The following CNST variants were observed in gnomAD, a reference collection of about 807,000 sequenced individuals.
CNST encodes the protein consortin.
In CNST, 39 loss-of-function variants were observed where a neutral mutation model predicts 72.4. The observed-to-expected ratio is 0.54, with a 90% CI of 0.42 to 0.70. The LOEUF (loss-of-function observed/expected upper bound fraction) is 0.70. CNST is among the 30% of genes least tolerant of loss of function. The probability of loss-of-function intolerance (pLI) is 0.00; values close to 1 mark genes in which losing one functional copy is unlikely to be tolerated. For synonymous variants in CNST, 332 were observed against 320.1 expected, an observed-to-expected ratio of 1.04 and a Z score of -0.40; for missense variants, 871 against 868.5, an observed-to-expected ratio of 1.00 and a Z score of -0.04.
At chr1:246,654,537 A>T (rs1572247916) in intron 9 of CNST, among the ~76,000 whole-genome samples, 1 of 152,184 alleles carries the variant, frequency 6.6e-6, no homozygotes, top group East Asian at 1.9e-4. Flanking sequence ...TCTAGCTGTA[A>T]TCTCTCTCTG....
intron 2 of CNST, among the ~76,000 whole-genome samples, chr1:246,603,803 G>A (rs1342732804): frequency 2.0e-5 from 3 of 152,164 alleles, no homozygotes; most frequent in Non-Finnish European, 2.9e-5. Context: ...ACAGCTAAAG[G>A]ATGTGGGATT....
At chr1:246,635,892 C>T (rs1490554780) in intron 6 of CNST, among the ~76,000 whole-genome samples, 9 of 152,126 alleles carry the variant, frequency 5.9e-5, no homozygotes, top group African/African-American at 9.7e-5. Flanking sequence ...GGTTATCATA[C>T]GCAGGGACTC....
Position 246,647,166 on chromosome 1 carries a change from C to T in CNST, c.965C>T (p.Ser322Leu). The T allele has an allele frequency of 6.2e-7, 1 of 1,613,438 alleles. No homozygotes were observed. Reference protein sequence around the residue: ...SESKTCLGTESSKESQHTVEP... With the variant: ...SESKTCLGTELSKESQHTVEP... ...AGTAAAACTTGTCTCGGCACAGAGT[C>T]AAGTAAAGAAAGCCAACATACAGTG... The change falls in exon 9 of 11, where the codon TCA (serine) becomes TTA (leucine). Residue 322 changes from serine (S) to leucine (L), a missense_variant. By Grantham distance (145) the Ser-to-Leu change is moderately radical. Transcript: ENST00000366513.
chr1:246,650,319 ATTAAG>A (rs1303560714), intron 9 of CNST, among the ~76,000 whole-genome samples: 13 of 152,172 alleles, frequency 8.5e-5, no homozygotes, highest in African/African-American at 2.2e-4. Flanking sequence ...ATATTGATCT[ATTAAG>A]TTAAGCTATT....
At chr1:246,654,312 C>T (rs910575469) in intron 9 of CNST, among the ~76,000 whole-genome samples, 3 of 152,186 alleles carry the variant, frequency 2.0e-5, no homozygotes, top group African/African-American at 7.2e-5. Flanking sequence ...ACCTTCTTTC[C>T]ACATACCTAT....
chr1:246,626,892 C>T (rs1483737342), intron 3 of CNST, among the ~76,000 whole-genome samples: 1 of 152,190 alleles, frequency 6.6e-6, no homozygotes, highest in Non-Finnish European at 1.5e-5. Context: ...TCTTACCTCT[C>T]TTGTTAAATG....
intron 2 of CNST, chr1:246,607,143 T>C (rs1662906708): frequency 6.6e-6 from 1 of 152,084 alleles, no homozygotes; most frequent in Non-Finnish European, 1.5e-5. Context: ...ATGGGTTTTA[T>C]CAGTCCACTT....
intron 10 of CNST, among the ~76,000 whole-genome samples, chr1:246,664,503 T>G (rs533578248): frequency 1.8e-4 from 28 of 152,036 alleles, no homozygotes; most frequent in African/African-American, 6.8e-4. Flanking sequence ...CTCAGCTCAC[T>G]GCAACCTCCG....
chr1:246,662,546 G>A (rs1267934106), intron 10 of CNST, among the ~76,000 whole-genome samples: 2 of 151,984 alleles, frequency 1.3e-5, no homozygotes, highest in South Asian at 2.1e-4. Context: ...GTTCCCCGAC[G>A]CCTGGCTAAT....
intron 3 of CNST, among the ~76,000 whole-genome samples, chr1:246,622,222 A>AG (rs1664140112): frequency 6.6e-6 from 1 of 152,180 alleles, no homozygotes; most frequent in Non-Finnish European, 1.5e-5. Flanking sequence ...AGCATCTACC[A>AG]GGCACCAAAG....
intron 2 of CNST, among the ~76,000 whole-genome samples, chr1:246,614,433 T>C (rs1663546177): frequency 2.0e-5 from 3 of 152,130 alleles, no homozygotes; most frequent in Non-Finnish European, 4.4e-5. Context: ...TCATCGTATA[T>C]ATAATAATTG....
Position 246,576,829 on chromosome 1 carries a change from C to A in CNST, c.-52+10166C>A, listed in dbSNP as rs1201488386. On this transcript the variant is annotated intron_variant, in intron 1 of 10. Transcript: ENST00000366513. The stretch of plus-strand genomic sequence containing the variant: ...TTTCTTAATTCTTTTTATCCTATTA[C>A]CCCTTCCCTTGGCTACCACCCCCTA... Among the ~76,000 whole-genome samples the A allele has an allele frequency of 2.0e-5, 3 of 151,964 alleles. No homozygotes were observed. The East Asian group carries it at 5.8e-4, about 29-fold the overall frequency.
chr1:246,605,112 G>T (rs1662624722), intron 2 of CNST, among the ~76,000 whole-genome samples: 1 of 152,208 alleles, frequency 6.6e-6, no homozygotes, highest in Non-Finnish European at 1.5e-5. Context: ...TGAGAATTCT[G>T]ATAGTTGATG....
At chr1:246,664,145 ATTCT>A (rs1477346738) in intron 10 of CNST, among the ~76,000 whole-genome samples, 1 of 152,268 alleles carries the variant, frequency 6.6e-6, no homozygotes, top group African/African-American at 2.4e-5. Context: ...AATTTACTTC[ATTCT>A]ATTAAATACT....
intron 1 of CNST, among the ~76,000 whole-genome samples, chr1:246,574,005 C>T (rs1245871385): frequency 1.3e-5 from 2 of 152,142 alleles, no homozygotes; most frequent in South Asian, 4.1e-4. Flanking sequence ...ATCTTTGCCT[C>T]TTTTTTCCTT....
In CNST at chr1:246,656,446, G is replaced by A. The variant is rs569032714; in HGVS notation, c.1837-3753G>A. 5.9e-5 allele frequency among the ~76,000 whole-genome samples: 9 copies of A among 152,182 alleles called. No homozygotes were observed. The South Asian group carries it at 1.9e-3, about 32-fold the overall frequency. On this transcript the variant is annotated intron_variant, in intron 9 of 10. Coordinates refer to ENST00000366513, the MANE Select transcript of CNST (RefSeq NM_152609.3). ...TTTTAATTCTGCATTTATTCATAGA[G>A]CACCACCCGTAACAATTACATTAAT... is the stretch of plus-strand genomic sequence containing the variant.
chr1:246,656,944 A>G (rs1666810678), intron 9 of CNST, among the ~76,000 whole-genome samples: 1 of 152,158 alleles, frequency 6.6e-6, no homozygotes, highest in Admixed American at 6.5e-5. Flanking sequence ...AAAACAGACA[A>G]AAACAAAACA....
chr1:246,573,859 G>A (rs1377061691), intron 1 of CNST, among the ~76,000 whole-genome samples: 1 of 142,044 alleles, frequency 7.0e-6, no homozygotes. Context: ...TTCAGTGTAA[G>A]TGAAAAAATG....
chr1:246,618,705 G>A (rs1396829136), intron 2 of CNST, among the ~76,000 whole-genome samples: 1 of 151,996 alleles, frequency 6.6e-6, no homozygotes, highest in Non-Finnish European at 1.5e-5. Flanking sequence ...AGTTTCTCTG[G>A]TTACATCATT....
Sources: allele counts gnomAD v4.1 joint callset (sites outside exome capture counted in the v4.1 genomes callset), GRCh38; gene constraint gnomAD v4.1.1; transcripts MANE v1.5; gene names NCBI Gene and HGNC (gene_info 2026-07-23, HGNC 2026-07-21).